Variants in FHOD3 observed in about 807,000 individuals in gnomAD.
The protein encoded by FHOD3 is FH1/FH2 domain-containing protein 3.
A neutral mutation model predicts 173.0 loss-of-function variants in FHOD3; 90 were observed. The observed-to-expected ratio is 0.52, with a 90% CI of 0.44 to 0.62. FHOD3 has a LOEUF of 0.62. Ranked by LOEUF, FHOD3 falls within the 20% of genes least tolerant of loss-of-function variation. The pLI, the probability that FHOD3 is intolerant of heterozygous loss-of-function variation, is 0.00. For missense variants in FHOD3, 1,945 were observed against 2,034.7 expected (o/e 0.96, Z 0.85); for synonymous variants, 828 against 823.0 (o/e 1.01, Z -0.10).
At chr18:36,696,031 G>A (rs765938136) in intron 17 of FHOD3, among the ~76,000 whole-genome samples, 9 of 152,174 alleles carry the variant, frequency 5.9e-5, no homozygotes, top group Non-Finnish European at 1.2e-4. Flanking sequence ...CTTTATCCTT[G>A]TGGGAACATG....
intron 6 of FHOD3, among the ~76,000 whole-genome samples, chr18:36,581,444 CTCAGGGCGCT>C (rs2058848340): frequency 6.6e-6 from 1 of 152,230 alleles, no homozygotes; most frequent in South Asian, 2.1e-4. Flanking sequence ...TTAGGGGTGC[CTCAGGGCGCT>C]GGCATGGAAG....
At chr18:36,461,468 T>C (rs1163930857) in intron 3 of FHOD3, among the ~76,000 whole-genome samples, 1 of 152,048 alleles carries the variant, frequency 6.6e-6, no homozygotes, top group Non-Finnish European at 1.5e-5. Context: ...TGTTTTTTTT[T>C]TTCTCCAAAG....
At chr18:36,632,557 C>T (rs1037307051) in intron 10 of FHOD3, among the ~76,000 whole-genome samples, 1 of 152,076 alleles carries the variant, frequency 6.6e-6, no homozygotes, top group Non-Finnish European at 1.5e-5. Flanking sequence ...TTTCTGACAC[C>T]TCTCATCACA....
chr18:36,339,888 T>G (rs560066983), intron 1 of FHOD3, among the ~76,000 whole-genome samples: 4 of 152,254 alleles, frequency 2.6e-5, no homozygotes, highest in Non-Finnish European at 5.9e-5. Flanking sequence ...GCCCCACATT[T>G]TTGGTTTATG....
intron 19 of FHOD3, among the ~76,000 whole-genome samples, chr18:36,720,398 C>G: frequency 6.6e-6 from 1 of 151,834 alleles, no homozygotes; most frequent in South Asian, 2.1e-4. Context: ...CTGCTACACC[C>G]AGCTAATTTT....
chr18:36,377,128 T>A (rs1032730906), intron 3 of FHOD3, among the ~76,000 whole-genome samples: 1 of 152,164 alleles, frequency 6.6e-6, no homozygotes, highest in Non-Finnish European at 1.5e-5. Context: ...TGGGCTTCTG[T>A]ATTCGAAGGG....
chr18:36,674,813 C>T (rs189159977), intron 14 of FHOD3, among the ~76,000 whole-genome samples: 40 of 152,110 alleles, frequency 2.6e-4, no homozygotes, highest in Admixed American at 1.1e-3. Flanking sequence ...CAAGCACGTG[C>T]CCCTGGGAGT....
intron 3 of FHOD3, among the ~76,000 whole-genome samples, chr18:36,401,215 T>C (rs1219294405): frequency 6.6e-6 from 1 of 152,132 alleles, no homozygotes; most frequent in East Asian, 1.9e-4. Flanking sequence ...TCCACCCTCA[T>C]GAATGGAATT....
chr18:36,463,285 T>G (rs1186489205), intron 3 of FHOD3, among the ~76,000 whole-genome samples: 1 of 113,294 alleles, frequency 8.8e-6, no homozygotes, highest in Non-Finnish European at 1.9e-5. Flanking sequence ...TGACAAGCAT[T>G]TAACCCAAGT....
chr18:36,707,525 C>T (rs1022279344), intron 17 of FHOD3, among the ~76,000 whole-genome samples: 2 of 152,188 alleles, frequency 1.3e-5, no homozygotes, highest in African/African-American at 2.4e-5. Context: ...CAGCTAACTC[C>T]CTGACTCATC....
At chr18:36,630,473 T>C (rs754765397) in intron 10 of FHOD3, among the ~76,000 whole-genome samples, 10 of 152,198 alleles carry the variant, frequency 6.6e-5, no homozygotes, top group Non-Finnish European at 1.2e-4. Flanking sequence ...CTTAATCTCA[T>C]GCTACTCTCA....
chr18:36,490,322 G>C (rs1453641481), intron 3 of FHOD3, among the ~76,000 whole-genome samples: 1 of 152,168 alleles, frequency 6.6e-6, no homozygotes, highest in Non-Finnish European at 1.5e-5. Context: ...GGACTTTGCT[G>C]GGGCCCCAAA....
intron 1 of FHOD3, among the ~76,000 whole-genome samples, chr18:36,320,589 T>C (rs1426467159): frequency 6.6e-6 from 1 of 152,228 alleles, no homozygotes; most frequent in Admixed American, 6.5e-5. Context: ...TCTGAAACTA[T>C]TCCAAGCAAT....
intron 10 of FHOD3, among the ~76,000 whole-genome samples, chr18:36,636,009 C>A (rs2034856055): frequency 6.6e-6 from 1 of 152,202 alleles, no homozygotes; most frequent in African/African-American, 2.4e-5. Flanking sequence ...AAGCTGTTTA[C>A]TATGGGAATG....
chr18:36,519,687 G>A (rs2056175224), intron 5 of FHOD3, among the ~76,000 whole-genome samples: 1 of 152,186 alleles, frequency 6.6e-6, no homozygotes, highest in Non-Finnish European at 1.5e-5. Context: ...GGGACAAAGT[G>A]TCCTTTGTAC....
At chr18:36,532,026 A>G (rs936623488) in intron 5 of FHOD3, among the ~76,000 whole-genome samples, 2 of 151,908 alleles carry the variant, frequency 1.3e-5, no homozygotes, top group Non-Finnish European at 2.9e-5. Context: ...CCTCAGCCTC[A>G]CTGCTGGCCT....
chr18:36,604,209 C>G (rs80107844), intron 8 of FHOD3, among the ~76,000 whole-genome samples: 1 of 152,174 alleles, frequency 6.6e-6, no homozygotes, highest in African/African-American at 2.4e-5. Context: ...CTTCCTTGTA[C>G]TCTCCTTACA....
At chr18:36,535,053 C>A (rs2056939569) in intron 5 of FHOD3, among the ~76,000 whole-genome samples, 1 of 152,180 alleles carries the variant, frequency 6.6e-6, no homozygotes, top group East Asian at 1.9e-4. Flanking sequence ...AACTCCATGC[C>A]ACCCCATCCC....
intron 1 of FHOD3, among the ~76,000 whole-genome samples, chr18:36,301,719 T>G (rs1435264209): frequency 6.6e-6 from 1 of 152,276 alleles, no homozygotes; most frequent in East Asian, 1.9e-4. Context: ...CTTTTAAAGC[T>G]TAAAATGTGT....
Sources: gnomAD v4.1 joint callset for allele counts (sites outside exome capture counted in the v4.1 genomes callset) on GRCh38, gnomAD v4.1.1 for gene constraint, MANE v1.5 for transcripts, NCBI Gene and HGNC (gene_info 2026-07-23, HGNC 2026-07-21) for gene names.